Variants in CFAP418 observed in about 807,000 individuals in gnomAD.
CFAP418 encodes the protein cilia and flagella associated protein 418, also known as cilia- and flagella-associated protein 418.
CFAP418 carries 27 observed loss-of-function variants against 24.7 expected under a neutral mutation model. The ratio of observed to expected loss-of-function variants is 1.09; its 90% CI spans 0.81 to 1.51. The LOEUF (loss-of-function observed/expected upper bound fraction) is 1.51. Among genes scored for constraint, CFAP418 ranks in the 40% most tolerant of loss-of-function variants. CFAP418 has a pLI of 0.00. For synonymous variants in CFAP418, 74 were observed against 87.3 expected (o/e 0.85, Z 0.85); for missense variants, 257 against 255.2 (o/e 1.01, Z -0.05).
At chr8:95,258,736 T>C (rs1357966395) in intron 4 of CFAP418, among the ~76,000 whole-genome samples, 1 of 152,230 alleles carries the variant, frequency 6.6e-6, no homozygotes, top group Admixed American at 6.5e-5. Flanking sequence ...CCTATACAGC[T>C]GTACCATTTG....
chr8:95,250,259 G>C (rs1283926693), intron 5 of CFAP418, among the ~76,000 whole-genome samples: 2 of 152,204 alleles, frequency 1.3e-5, no homozygotes, highest in Non-Finnish European at 2.9e-5. Context: ...CTTGAGAACT[G>C]AGACAGTATT....
chr8:95,258,226 C>CA (rs1205556765), intron 4 of CFAP418, among the ~76,000 whole-genome samples: 1 of 151,342 alleles, frequency 6.6e-6, no homozygotes, highest in East Asian at 1.9e-4. Context: ...ACTAAAAATA[C>CA]AAAAAATTAG....
intron 5 of CFAP418, among the ~76,000 whole-genome samples, chr8:95,248,178 A>G (rs976956430): frequency 1.3e-5 from 2 of 151,920 alleles, no homozygotes; most frequent in Non-Finnish European, 2.9e-5. Context: ...ACACTAAACA[A>G]CCTAGATCCC....
In CFAP418 at chr8:95,259,617, G is replaced by A. The variant is rs73266479; in HGVS notation, c.374+223C>T. Among the ~76,000 whole-genome samples the A allele has an allele frequency of 7.5e-3, 1,140 of 152,208 alleles. 21 individuals carry two copies. The highest frequency in any genetic ancestry group is 0.026 in the African/African-American group (1,078 of 41,518). ...GACTGGAGTGATCCAGGCATTTCAA[G>A]TGGGGCTTAGAAAAGGGCATAAAAT... On this transcript the variant is annotated intron_variant, in intron 4 of 5. Transcript: ENST00000286688.
chr8:95,265,425 T>C (rs538394121), intron 1 of CFAP418, among the ~76,000 whole-genome samples: 105 of 152,332 alleles, frequency 6.9e-4, no homozygotes, highest in African/African-American at 2.5e-3. Flanking sequence ...CCCTCAACTA[T>C]AGTGAAACTC....
chr8:95,256,158 C>A (rs1232717996), intron 4 of CFAP418, among the ~76,000 whole-genome samples: 1 of 151,978 alleles, frequency 6.6e-6, no homozygotes, highest in African/African-American at 2.4e-5. Context: ...AAAGTACGTA[C>A]AAAATATTTC....
chr8:95,258,915 T>G (rs940768546), intron 4 of CFAP418, among the ~76,000 whole-genome samples: 9 of 151,990 alleles, frequency 5.9e-5, no homozygotes, highest in African/African-American at 2.2e-4. Context: ...AGGTGTGGAG[T>G]AGGCTATATC....
At position 95,263,791 on chromosome 8, in the gene CFAP418, C is replaced by T. The variant is rs2132164443; in HGVS notation, c.156-17G>A. The T allele has an allele frequency of 2.0e-6, 3 of 1,519,218 alleles. No homozygotes were observed. The highest frequency in any genetic ancestry group is 2.3e-5 in the East Asian group (1 of 44,222). 94.1% of individuals were successfully genotyped at this position (1,519,218 alleles called of 1,614,324 possible). A position where few individuals can be genotyped will look rare whatever the true frequency, so the allele number is the denominator to read the frequency against. On this transcript the variant is annotated splice_polypyrimidine_tract_variant and intron_variant, in intron 1 of 5. Transcript: ENST00000286688. ...TCTGTTGATCTGAAAAGAAGACATACACAAAGAAAACTTACCTGAGGTTTA... is the reference window on the plus strand; with the variant it reads ...TCTGTTGATCTGAAAAGAAGACATATACAAAGAAAACTTACCTGAGGTTTA...
At position 95,253,497 on chromosome 8, in the gene CFAP418, G is replaced by C. The variant is rs544673242; in HGVS notation, c.375-1214C>G. Among the ~76,000 whole-genome samples the C allele has an allele frequency of 1.6e-3, 245 of 152,204 alleles. 1 individual carries two copies. The highest frequency in any genetic ancestry group is 5.6e-3 in the African/African-American group (233 of 41,538). The stretch of plus-strand genomic sequence containing the variant: ...TAATGAAAAAATAAACTCATCATTA[G>C]ATTTTTTTCATTTATTTCCCTTCAA... On this transcript the variant is annotated intron_variant, in intron 4 of 5. Transcript: ENST00000286688.
Position 95,245,150 on chromosome 8 carries a change from T to C in CFAP418, c.*2467A>G, listed in dbSNP as rs1446900520. The C allele has an allele frequency of 6.6e-6, 1 of 152,118 alleles. No individual in the cohort carries two copies. Among genetic ancestry groups the C allele is most frequent in the Non-Finnish European group, 1.5e-5 (1 of 68,034 alleles). 9.4% of individuals were successfully genotyped at this position (152,118 alleles called of 1,614,324 possible). On this transcript the variant is annotated 3_prime_UTR_variant, in exon 6 of 6. Transcript: ENST00000286688. The stretch of plus-strand genomic sequence containing the variant: ...GTTTTATAGGCTTTGCATTTTAAAA[T>C]TATAGATGATTAGAAACTATACTTT...
Position 95,247,203 on chromosome 8 carries a change from G to A in CFAP418, c.*414C>T, listed in dbSNP as rs1254542716. 5.9e-6 allele frequency: 1 copy of A among 168,302 alleles called. No homozygotes were observed. Among genetic ancestry groups the A allele is most frequent in the Non-Finnish European group, 1.3e-5 (1 of 77,230 alleles). The allele number at this position is 168,302 out of a possible 1,614,324, so 10.4% of individuals were successfully genotyped here. ...AGATCTGACTGGAAGAAGTGTTGTA[G>A]ACACCCCTAAATGATCTCTTTGCCC... On this transcript the variant is annotated 3_prime_UTR_variant, in exon 6 of 6. Coordinates refer to ENST00000286688, the MANE Select transcript of CFAP418 (RefSeq NM_177965.4).
intron 5 of CFAP418, among the ~76,000 whole-genome samples, 200 bp from the exon 6 acceptor site, chr8:95,247,970 T>A (rs1811650654): frequency 6.6e-6 from 1 of 152,084 alleles, no homozygotes; most frequent in African/African-American, 2.4e-5. Flanking sequence ...GCCTTCCAAG[T>A]AGCTGAGACC....
intron 5 of CFAP418, 98 bp from the exon 6 acceptor site, chr8:95,247,868 T>C (rs1811648741): frequency 1.5e-6 from 2 of 1,333,396 alleles, no homozygotes; most frequent in South Asian, 3.1e-5. Context: ...TCTTTTCTTT[T>C]TTTGTTTTTA....
rs928219052 is a variant in CFAP418, at chr8:95,268,946, C to T, written c.155+89G>A. On this transcript the variant is annotated intron_variant, in intron 1 of 5. Coordinates refer to ENST00000286688, the MANE Select transcript of CFAP418 (RefSeq NM_177965.4). The stretch of plus-strand genomic sequence containing the variant: ...AAGGAGGGGCTGGAGGTCGCGGGCA[C>T]GTTTCTTTTGGGTTGGGCGGCGGAG... 12 of 1,423,340 alleles carry T rather than the reference C, an allele frequency of 8.4e-6. No homozygotes were observed. The African/African-American group carries it at 1.0e-4, about 12-fold the overall frequency. The allele number at this position is 1,423,340 out of a possible 1,614,324, so 88.2% of individuals were successfully genotyped here.
chr8:95,258,239 G>A (rs952646770), intron 4 of CFAP418, among the ~76,000 whole-genome samples: 1 of 151,612 alleles, frequency 6.6e-6, no homozygotes, highest in Non-Finnish European at 1.5e-5. Flanking sequence ...AAAATTAGCC[G>A]GGCGTGGTGG....
chr8:95,247,914 C>T, intron 5 of CFAP418, 144 bp from the exon 6 acceptor site: 1 of 833,800 alleles, frequency 1.2e-6, no homozygotes, highest in Non-Finnish European at 1.8e-6. Flanking sequence ...ATTGCGGTGG[C>T]ACAATCATGG....
chr8:95,255,789 G>A (rs1337354141), intron 4 of CFAP418, among the ~76,000 whole-genome samples: 5 of 152,130 alleles, frequency 3.3e-5, no homozygotes, highest in Admixed American at 1.3e-4. Flanking sequence ...TTTCTCTTGT[G>A]GAGCAGGTAA....
At chr8:95,265,239 T>G (rs918709521) in intron 1 of CFAP418, among the ~76,000 whole-genome samples, 4 of 152,216 alleles carry the variant, frequency 2.6e-5, no homozygotes, top group East Asian at 1.9e-4. Context: ...ATAAAAAATG[T>G]CTCCAGACAT....
In CFAP418 at chr8:95,247,635, C is replaced by T. The variant is rs1472751695; in HGVS notation, c.606G>A (p.Trp202Ter). Reference sequence around the variant, plus strand: ...TGCATTCTTAATGTTTACCACAAACCCAGCGAAGCTGATGATCTGTCTGAA... The same window carrying T: ...TGCATTCTTAATGTTTACCACAAACTCAGCGAAGCTGATGATCTGTCTGAA... ...TDLQTDHQLR[W>*]VCGKH The change falls in exon 6 of 6, where the codon TGG becomes TGA. Residue 202 changes from tryptophan to a stop codon, truncating the protein, a stop_gained. Transcript: ENST00000286688. LOFTEE classifies it high-confidence loss of function. 4 of 1,614,136 alleles carry T rather than the reference C, an allele frequency of 2.5e-6. No individual in the cohort carries two copies. The Admixed American group carries it at 6.7e-5, about 27-fold the overall frequency.
Sources: gnomAD v4.1 joint callset for allele counts (sites outside exome capture counted in the v4.1 genomes callset) on GRCh38, gnomAD v4.1.1 for gene constraint, MANE v1.5 for transcripts, NCBI Gene and HGNC (gene_info 2026-07-23, HGNC 2026-07-21) for gene names.